The following USP38 variants were observed in gnomAD, a reference collection of about 807,000 sequenced individuals.
The protein encoded by USP38 is ubiquitin specific peptidase 38.
Under a neutral mutation model 94.3 loss-of-function variants are expected in USP38, and 49 were observed. The observed-to-expected ratio is 0.52, with a 90% CI of 0.41 to 0.66. The LOEUF is 0.66. Among genes scored for constraint, USP38 ranks in the 30% least tolerant of loss-of-function variants. The pLI is 0.00. For synonymous variants in USP38, 468 were observed against 463.6 expected, an observed-to-expected ratio of 1.01 and a Z score of -0.12; for missense variants, 1,128 against 1,229.4, an observed-to-expected ratio of 0.92 and a Z score of 1.23.
chr4:143,188,671 G>C (rs1267728776), intron 2 of USP38, among the ~76,000 whole-genome samples: 1 of 151,974 alleles, frequency 6.6e-6, no homozygotes, highest in Non-Finnish European at 1.5e-5. Flanking sequence ...CTTTTATTCA[G>C]TCATTCATTC....
rs898124954 is a variant in USP38, at chr4:143,222,285, T to A, written c.*1829T>A. 1.3e-4 allele frequency: 20 copies of A among 152,052 alleles called. No individual in the cohort carries two copies. Among genetic ancestry groups the A allele is most frequent in the African/African-American group, 4.3e-4 (18 of 41,438 alleles). 9.4% of individuals were successfully genotyped at this position (152,052 alleles called of 1,614,324 possible). A position where few individuals can be genotyped will look rare whatever the true frequency, so the allele number is the denominator to read the frequency against. On this transcript the variant is annotated 3_prime_UTR_variant, in exon 10 of 10. Transcript: ENST00000307017. Reference sequence around the variant, plus strand: ...TTTTAAATGATAAAATGAATTCTAGTTAGAGTCTTTCCTTGGTATCTGCAG... The same window carrying A: ...TTTTAAATGATAAAATGAATTCTAGATAGAGTCTTTCCTTGGTATCTGCAG...
intron 5 of USP38, 104 bp downstream of exon 5, chr4:143,203,670 T>C (rs1472499721): frequency 1.6e-6 from 2 of 1,238,360 alleles, no homozygotes; most frequent in East Asian, 2.7e-5. Context: ...GTAATATGCT[T>C]TTTATTTGAA....
Position 143,223,068 on chromosome 4 carries a change from ATAAT to A in USP38, c.*2616_*2619del, listed in dbSNP as rs1321625006. The A allele has an allele frequency of 2.0e-5, 3 of 152,210 alleles. No homozygotes were observed. Among genetic ancestry groups the A allele is most frequent in the South Asian group, 4.1e-4 (2 of 4,838 alleles). The allele number at this position is 152,210 out of a possible 1,614,324, so 9.4% of individuals were successfully genotyped here. A position where few individuals can be genotyped will look rare whatever the true frequency, so the allele number is the denominator to read the frequency against. The stretch of plus-strand genomic sequence containing the variant: ...CTTTCTTTCAAAGATGTTTATTGAC[ATAAT>A]TAAAGTAAAAAATTGTTTAGAGATA... On this transcript the variant is annotated 3_prime_UTR_variant, in exon 10 of 10. Transcript: ENST00000307017.
intron 4 of USP38, among the ~76,000 whole-genome samples, chr4:143,199,354 A>G (rs1353327483): frequency 6.6e-6 from 1 of 152,150 alleles, no homozygotes; most frequent in South Asian, 2.1e-4. Context: ...CATGGTGTAT[A>G]TGTACCACAT....
chr4:143,205,924 G>C lies in USP38; in HGVS notation c.1210-109G>C, dbSNP rs1481469093. 12 of 811,252 alleles carry C rather than the reference G, an allele frequency of 1.5e-5. No individual in the cohort carries two copies. The East Asian group carries it at 3.7e-4, about 25-fold the overall frequency. The allele number at this position is 811,252 out of a possible 1,614,324, so 50.3% of individuals were successfully genotyped here. ...TACTTCAAAACTAAGTGGGGGAAAA[G>C]AAAGTTCAAATGTCGGTGTAAGAAT... On this transcript the variant is annotated intron_variant, in intron 5 of 9. Coordinates refer to ENST00000307017, the MANE Select transcript of USP38 (RefSeq NM_032557.6).
chr4:143,220,049 A>G lies in USP38; in HGVS notation c.2968-246A>G, dbSNP rs567257770. ...GCTGGAGAATAGATAATCTATTGTG[A>G]TAATCTTTGAATTCTATGTTAAATA... On this transcript the variant is annotated intron_variant, in intron 9 of 9. Coordinates refer to ENST00000307017, the MANE Select transcript of USP38 (RefSeq NM_032557.6). Among the ~76,000 whole-genome samples the G allele has an allele frequency of 2.0e-5, 3 of 152,252 alleles. No homozygotes were observed. In the East Asian group the frequency reaches 5.8e-4, roughly 29 times the overall value.
intron 4 of USP38, among the ~76,000 whole-genome samples, chr4:143,202,992 A>T (rs1172386090): frequency 3.3e-5 from 5 of 152,280 alleles, no homozygotes. Context: ...TTTCAAGTAA[A>T]AAATTTTAGA....
chr4:143,188,044 T>G, intron 2 of USP38, 83 bp downstream of exon 2: 5 of 1,399,216 alleles, frequency 3.6e-6, no homozygotes, highest in Non-Finnish European at 4.7e-6. Context: ...ATGAAAAACT[T>G]ACGAATGTTT....
intron 9 of USP38, chr4:143,215,381 G>A (rs540795404): frequency 6.4e-4 from 103 of 160,284 alleles, no homozygotes; most frequent in African/African-American, 2.4e-3. Flanking sequence ...CTAAAATGTA[G>A]ACTATGTAAA....
At chr4:143,215,829 A>G (rs923794979) in intron 9 of USP38, among the ~76,000 whole-genome samples, 1 of 152,152 alleles carries the variant, frequency 6.6e-6, no homozygotes, top group African/African-American at 2.4e-5. Flanking sequence ...TGCGTTATAA[A>G]ATACACATTT....
chr4:143,187,694 A>G, intron 1 of USP38, 132 bp from the exon 2 acceptor site: 2 of 888,384 alleles, frequency 2.3e-6, no homozygotes, highest in East Asian at 2.7e-5. Context: ...TCTACCCATG[A>G]GGGTGTAGCA....
Position 143,214,333 on chromosome 4 carries a change from T to C in USP38, c.2357T>C (p.Leu786Pro), listed in dbSNP as rs746263241. 6.2e-7 allele frequency: 1 copy of C among 1,613,346 alleles called. No homozygotes were observed. The highest frequency in any genetic ancestry group is 8.5e-7 in the Non-Finnish European group (1 of 1,179,738). The change falls in exon 9 of 10, where the codon CTG becomes CCG. Residue 786 changes from leucine (L) to proline (P), a missense_variant. By Grantham distance (98) the Leu-to-Pro change is moderately conservative (BLOSUM62 -3). Transcript: ENST00000307017. ...AGGAAAATTTTAGACAATGTATCAC[T>C]GCCACTGGTTTTGGAGTTGCCAGTT... is the stretch of plus-strand genomic sequence containing the variant. ...VRRKILDNVS[L>P]PLVLELPVKR...
chr4:143,205,175 TAACTC>T (rs1462290127), intron 5 of USP38, among the ~76,000 whole-genome samples: 2 of 152,196 alleles, frequency 1.3e-5, no homozygotes, highest in African/African-American at 4.8e-5. Flanking sequence ...AAAATTCTGA[TAACTC>T]ATATAGGCTC....
Position 143,209,627 on chromosome 4 carries a change from G to A in USP38, c.1467G>A (p.Gln489=), listed in dbSNP as rs764592864. 2.5e-6 allele frequency: 4 copies of A among 1,608,874 alleles called. No individual in the cohort carries two copies. Among genetic ancestry groups the A allele is most frequent in the Non-Finnish European group, 3.4e-6 (4 of 1,176,562 alleles). The change falls in exon 7 of 10, where the codon CAG becomes CAA. Residue 489 remains glutamine (Q), a synonymous_variant. Transcript: ENST00000307017. Reference sequence around the variant, plus strand: ...GCAATTCATTAATGAAAAAATTACAGCATCTTTTTGCCTTTCTGGCCCATA... The same window carrying A: ...GCAATTCATTAATGAAAAAATTACAACATCTTTTTGCCTTTCTGGCCCATA... ...NGCNSLMKKL[Q]HLFAFLAHTQ...
chr4:143,219,969 C>T (rs1462825417), intron 9 of USP38, among the ~76,000 whole-genome samples: 1 of 152,076 alleles, frequency 6.6e-6, no homozygotes, highest in Non-Finnish European at 1.5e-5. Context: ...ATTCAGTCTT[C>T]TTCCTTTATT....
rs148184087 is a variant in USP38 at position 143,198,141 on chromosome 4, C to T, written c.1050+217C>T. On this transcript the variant is annotated intron_variant, in intron 4 of 9. Coordinates refer to ENST00000307017, the MANE Select transcript of USP38 (RefSeq NM_032557.6). ...CAAACTACTCCACTTGCAACAACTA[C>T]CAGCAGTTGAGAGTTACTGTTCACA... Among the ~76,000 whole-genome samples the T allele has an allele frequency of 2.1e-3, 316 of 152,270 alleles. 1 individual carries two copies. The highest frequency in any genetic ancestry group is 7.1e-3 in the African/African-American group (295 of 41,540).
In USP38 at chr4:143,185,266, C is replaced by G. The variant is rs1456196957; in HGVS notation, c.-185C>G. ...TAGGCTCTCCAGGCTCGCTAGCTCC[C>G]GCCCCGGCTTGGATGGGTCTCCCTG... On this transcript the variant is annotated 5_prime_UTR_variant, in exon 1 of 10. Coordinates refer to ENST00000307017, the MANE Select transcript of USP38 (RefSeq NM_032557.6). The G allele has an allele frequency of 3.0e-5, 20 of 674,136 alleles. No individual in the cohort carries two copies. The highest frequency in any genetic ancestry group is 4.1e-4 in the Middle Eastern group (1 of 2,432). The allele number at this position is 674,136 out of a possible 1,614,324, so 41.8% of individuals were successfully genotyped here. A position where few individuals can be genotyped will look rare whatever the true frequency, so the allele number is the denominator to read the frequency against.
chr4:143,194,544 G>A (rs990944752), intron 2 of USP38, among the ~76,000 whole-genome samples: 6 of 151,650 alleles, frequency 4.0e-5, no homozygotes, highest in Non-Finnish European at 7.4e-5. Flanking sequence ...GTCTCGCTCT[G>A]TTGTCCAGGC....
chr4:143,192,550 C>CTTTTTTTTTTTTTTTTTT, intron 2 of USP38, among the ~76,000 whole-genome samples: 1 of 103,410 alleles, frequency 9.7e-6, no homozygotes, highest in Non-Finnish European at 1.8e-5. Flanking sequence ...TCCCATATTA[C>CTTTTTTTTTTTTTTTTTT]TTTTTTTTTT....
Sources: allele counts gnomAD v4.1 joint callset (sites outside exome capture counted in the v4.1 genomes callset), GRCh38; gene constraint gnomAD v4.1.1; transcripts MANE v1.5; gene names NCBI Gene and HGNC (gene_info 2026-07-23, HGNC 2026-07-21).